WDR44: variants seen among roughly 807,000 people sequenced by gnomAD.
WDR44 encodes the protein WD repeat-containing protein 44.
Under a neutral mutation model 65.7 loss-of-function variants are expected in WDR44, and 9 were observed. The observed-to-expected ratio is 0.14, with a 90% confidence interval of 0.08 to 0.24. WDR44 has a LOEUF of 0.24. Among genes scored for constraint, WDR44 ranks in the 10% least tolerant of loss-of-function variants. The pLI is 1.00. For synonymous variants in WDR44, 220 were observed against 235.2 expected, an observed-to-expected ratio of 0.94 and a Z score of 0.59; for missense variants, 425 against 670.9, an observed-to-expected ratio of 0.63 and a Z score of 4.05.
intron 1 of WDR44, among the ~76,000 whole-genome samples, chrX:118,363,494 T>C (rs1278637428): frequency 9.0e-6 from 1 of 110,697 alleles, no homozygotes; most frequent in African/African-American, 3.3e-5. Flanking sequence ...TGAACTGTTT[T>C]TGAAAACAAA....
rs1416849909 is a variant in WDR44, at chrX:118,346,422, G to A, written c.-82G>A. On this transcript the variant is annotated 5_prime_UTR_variant, in exon 1 of 20. Transcript: ENST00000254029. ...AGACCCACTTCCCCAGTCTCGCCCG[G>A]GTGGAGGTCGACGAGGAGGAGACAA... is the stretch of plus-strand genomic sequence containing the variant. 4.7e-5 allele frequency: 41 copies of A among 881,027 alleles called. No homozygotes were observed. The highest frequency in any genetic ancestry group is 1.9e-4 in the East Asian group (6 of 31,008). 72.6% of individuals were successfully genotyped at this position (881,027 alleles called of 1,213,427 possible).
Position 118,392,612 on chromosome X carries a change from A to G in WDR44, c.187-20A>G, listed in dbSNP as rs771050616. On this transcript the variant is annotated intron_variant, in intron 3 of 19. Coordinates refer to ENST00000254029, the MANE Select transcript of WDR44 (RefSeq NM_019045.5). Reference sequence around the variant, plus strand: ...ATAAATAGCTTCATTTTTAAAAACTACTTTTAACCCTTTCATCAGATTATT... The same window carrying G: ...ATAAATAGCTTCATTTTTAAAAACTGCTTTTAACCCTTTCATCAGATTATT... 3 of 1,161,900 alleles carry G rather than the reference A, an allele frequency of 2.6e-6. No individual in the cohort carries two copies. Among genetic ancestry groups the G allele is most frequent in the East Asian group, 6.0e-5 (2 of 33,352 alleles).
chrX:118,402,021 GT>G (rs200328139), intron 8 of WDR44, among the ~76,000 whole-genome samples: 2 of 105,863 alleles, frequency 1.9e-5, no homozygotes, highest in African/African-American at 6.9e-5. Flanking sequence ...TGTTTTTTTG[GT>G]TTTTTTTTAG....
intron 15 of WDR44, among the ~76,000 whole-genome samples, chrX:118,441,951 A>G (rs1337419410): frequency 2.7e-5 from 3 of 111,767 alleles, no homozygotes; most frequent in African/African-American, 9.8e-5. Flanking sequence ...CGTGTTGGCC[A>G]GGCTGGTCTC....
intron 2 of WDR44, among the ~76,000 whole-genome samples, chrX:118,378,871 T>TAAAA (rs541856981): frequency 2.7e-4 from 25 of 92,904 alleles, no homozygotes; most frequent in East Asian, 1.7e-3. Flanking sequence ...CCGTCTCTAC[T>TAAAA]AAAAAAAAAA....
intron 1 of WDR44, among the ~76,000 whole-genome samples, chrX:118,368,483 T>TATATATATATATATATATATATATATAAC (rs1569359132): frequency 2.3e-5 from 2 of 87,638 alleles, no homozygotes; most frequent in South Asian, 5.5e-4. Context: ...ATATATATAC[T>TATATATATATATATATATATATATATAAC]TCTTGAGGAC....
At chrX:118,409,993 A>G (rs5956974) in intron 11 of WDR44, among the ~76,000 whole-genome samples, 29,508 of 111,238 alleles carry the variant, frequency 0.27, 3,196 homozygotes, top group African/African-American at 0.39. Context: ...ATTAAGGAAA[A>G]AGTCATGGAA....
At chrX:118,405,421 C>G (rs913989493) in intron 9 of WDR44, among the ~76,000 whole-genome samples, 9 of 110,500 alleles carry the variant, frequency 8.1e-5, no homozygotes, top group African/African-American at 1.6e-4. Context: ...CTCACTTCAA[C>G]CTCTGCCTCC....
At chrX:118,346,092 G>A, upstream of WDR44, 1 of 299,572 alleles carries the variant, frequency 3.3e-6, no homozygotes, top group Non-Finnish European at 5.8e-6. Flanking sequence ...ATCTCGCGAG[G>A]GTAGGTGCGC....
Position 118,392,913 on chromosome X carries a change from G to T in WDR44, c.468G>T (p.Lys156Asn). Reference sequence around the variant, plus strand: ...AGAAACCAGTAGATGAAACCACGAAGTTAACTCAAACAAGTTCAACTGAGC... The same window carrying T: ...AGAAACCAGTAGATGAAACCACGAATTTAACTCAAACAAGTTCAACTGAGC... ...TCEKPVDETT[K>N]LTQTSSTEQL... The change falls in exon 4 of 20, where the codon AAG becomes AAT. Residue 156 changes from lysine to asparagine, a missense_variant. Coordinates refer to ENST00000254029, the MANE Select transcript of WDR44 (RefSeq NM_019045.5). 1 of 1,212,317 alleles carries T rather than the reference G, an allele frequency of 8.2e-7. No individual in the cohort carries two copies. Among genetic ancestry groups the T allele is most frequent in the Non-Finnish European group, 1.1e-6 (1 of 895,673 alleles).
At chrX:118,415,645 A>C (rs1047529344) in intron 12 of WDR44, among the ~76,000 whole-genome samples, 1 of 110,902 alleles carries the variant, frequency 9.0e-6, no homozygotes, top group African/African-American at 3.3e-5. Flanking sequence ...CTGGGATTAC[A>C]GGCACACACC....
intron 19 of WDR44, among the ~76,000 whole-genome samples, chrX:118,445,895 T>C (rs891381667): frequency 1.1e-4 from 12 of 109,532 alleles, no homozygotes; most frequent in Non-Finnish European, 1.9e-4. Flanking sequence ...CTGGGCGTGG[T>C]AGTGCACGCC....
chrX:118,438,081 C>T (rs1272606210), intron 14 of WDR44, among the ~76,000 whole-genome samples: 1 of 110,368 alleles, frequency 9.1e-6, no homozygotes, highest in Non-Finnish European at 1.9e-5. Context: ...TGGTGGCTCA[C>T]GCCTATAATC....
chrX:118,437,268 C>T (rs1416441171), intron 14 of WDR44, among the ~76,000 whole-genome samples: 4 of 111,793 alleles, frequency 3.6e-5, no homozygotes, highest in Non-Finnish European at 7.5e-5. Context: ...TCTTGATATC[C>T]CTTCTTTATT....
chrX:118,428,009 G>A (rs973488053), intron 12 of WDR44, among the ~76,000 whole-genome samples: 25 of 109,390 alleles, frequency 2.3e-4, no homozygotes, highest in Admixed American at 2.0e-3. Flanking sequence ...TTGCGGCTAG[G>A]CACAGTGGCT....
chrX:118,424,352 T>G (rs112764188), intron 12 of WDR44, among the ~76,000 whole-genome samples: 1 of 97,262 alleles, frequency 1.0e-5, no homozygotes, highest in Non-Finnish European at 2.0e-5. Context: ...TATATATGTA[T>G]ATATATATAA....
intron 19 of WDR44, among the ~76,000 whole-genome samples, chrX:118,447,891 TATATATATATATATA>T (rs2057360152): frequency 1.0e-5 from 1 of 95,372 alleles, no homozygotes; most frequent in African/African-American, 3.8e-5. Context: ...TATATATATA[TATATATATATATATA>T]TATATATACT....
chrX:118,356,062 A>G (rs2056455629), intron 1 of WDR44, among the ~76,000 whole-genome samples: 1 of 112,397 alleles, frequency 8.9e-6, no homozygotes, highest in African/African-American at 3.2e-5. Flanking sequence ...ATAGTGCTAC[A>G]TGTTACATGC....
At chrX:118,349,915 T>TG (rs972339100) in intron 1 of WDR44, among the ~76,000 whole-genome samples, 3 of 109,359 alleles carry the variant, frequency 2.7e-5, no homozygotes, top group Non-Finnish European at 3.8e-5. Context: ...GTGGCAGAAC[T>TG]GGGATTTGAA....
Sources: gnomAD v4.1 joint callset for allele counts (sites outside exome capture counted in the v4.1 genomes callset) on GRCh38, gnomAD v4.1.1 for gene constraint, MANE v1.5 for transcripts, NCBI Gene and HGNC (gene_info 2026-07-23, HGNC 2026-07-21) for gene names.